The following PXDNL variants were observed in gnomAD, a reference collection of about 807,000 sequenced individuals.
PXDNL encodes peroxidasin like.
In PXDNL, 145 loss-of-function variants were observed where a neutral mutation model predicts 150.8. The observed-to-expected ratio is 0.96, with a 90% CI of 0.84 to 1.10. The LOEUF (loss-of-function observed/expected upper bound fraction) is 1.10, where lower values mean the gene tolerates loss of function less well. PXDNL is among the 50% of genes least tolerant of loss of function. The pLI is 0.00. For missense variants in PXDNL, 2,087 were observed against 1,873.9 expected, an observed-to-expected ratio of 1.11 and a Z score of -2.10; for synonymous variants, 757 against 725.7, an observed-to-expected ratio of 1.04 and a Z score of -0.69.
chr8:51,716,069 AAGTTAC>A (rs1816610773), intron 1 of PXDNL, among the ~76,000 whole-genome samples: 1 of 152,180 alleles, frequency 6.6e-6, no homozygotes, highest in South Asian at 2.1e-4. Context: ...GTATCATGAA[AAGTTAC>A]AGTCACACCC....
intron 1 of PXDNL, among the ~76,000 whole-genome samples, chr8:51,674,755 T>C (rs562084134): frequency 5.9e-5 from 9 of 152,220 alleles, no homozygotes; most frequent in African/African-American, 2.2e-4. Flanking sequence ...TGTGCAGCCT[T>C]CTTACACTTT....
chr8:51,492,808 C>T (rs926559566), intron 5 of PXDNL, among the ~76,000 whole-genome samples: 3 of 152,208 alleles, frequency 2.0e-5, no homozygotes, highest in Non-Finnish European at 4.4e-5. Context: ...GTGGAGCCCA[C>T]CGCAGCGTAA....
intron 17 of PXDNL, among the ~76,000 whole-genome samples, chr8:51,377,763 G>A (rs1309217923): frequency 6.6e-6 from 1 of 152,204 alleles, no homozygotes; most frequent in African/African-American, 2.4e-5. Context: ...GCGGGGCAGG[G>A]CTGAGGACCT....
In PXDNL at chr8:51,472,303, C is replaced by A; in HGVS notation, c.696G>T (p.Gln232His). ...ASVTVEEFNC[Q>H]SPRITFEPQD... Reference sequence around the variant, plus strand: ...GCGGCTCAAAAGTAATTCGGGGGCTCTCTGCAACAAAAGAATTATTGATGT... The same window carrying A: ...GCGGCTCAAAAGTAATTCGGGGGCTATCTGCAACAAAAGAATTATTGATGT... Residue 232 changes from glutamine to histidine, a missense_variant and splice_region_variant, in exon 8 of 23, where the codon CAG (glutamine) becomes CAT (histidine). Transcript: ENST00000356297. 6.2e-7 allele frequency: 1 copy of A among 1,607,290 alleles called. No individual in the cohort carries two copies. Among genetic ancestry groups the A allele is most frequent in the Non-Finnish European group, 8.5e-7 (1 of 1,174,976 alleles).
chr8:51,496,841 A>G (rs1188203884), intron 5 of PXDNL, among the ~76,000 whole-genome samples: 5 of 152,220 alleles, frequency 3.3e-5, no homozygotes, highest in African/African-American at 1.2e-4. Context: ...AATCAATGTC[A>G]TGAAAATGGC....
intron 5 of PXDNL, among the ~76,000 whole-genome samples, chr8:51,497,655 A>G (rs1811083682): frequency 6.6e-6 from 1 of 152,256 alleles, no homozygotes; most frequent in African/African-American, 2.4e-5. Context: ...GAAGACATTT[A>G]TGCAGCCAAC....
At chr8:51,517,430 G>T (rs1388579862) in intron 4 of PXDNL, among the ~76,000 whole-genome samples, 2 of 152,162 alleles carry the variant, frequency 1.3e-5, no homozygotes, top group African/African-American at 2.4e-5. Context: ...CAATAATAAT[G>T]GTATATATAA....
rs558871648 is a variant in PXDNL, at chr8:51,408,447, T to C, written c.3177A>G (p.Leu1059=). The change falls in exon 17 of 23, where the codon TTA becomes TTG. Residue 1059 remains leucine, a synonymous_variant. Coordinates refer to ENST00000356297, the MANE Select transcript of PXDNL (RefSeq NM_144651.5). ...TCAGTCGGTAAAGAATAGGATTGAT[T>C]AATGTGTGGCCAAATCTAAAGGCTG... ...ATAAFRFGHT[L]INPILYRLNA... is the part of the protein sequence containing the mutation. The C allele has an allele frequency of 8.6e-5, 138 of 1,614,016 alleles. No individual in the cohort carries two copies. In the South Asian group the frequency reaches 1.4e-3, roughly 16 times the overall value.
rs775938553 is a variant in PXDNL, at chr8:51,453,505, T to C, written c.1249+14A>G. 9 of 1,613,162 alleles carry C rather than the reference T, an allele frequency of 5.6e-6. No individual in the cohort carries two copies. The highest frequency in any genetic ancestry group is 6.8e-6 in the Non-Finnish European group (8 of 1,179,114). ...CAGGAGGAACATTTCAATCATGACC[T>C]TCTGCTCCCATACCTTGTACAATTA... On this transcript the variant is annotated intron_variant, in intron 10 of 22. Coordinates refer to ENST00000356297, the MANE Select transcript of PXDNL (RefSeq NM_144651.5).
intron 3 of PXDNL, among the ~76,000 whole-genome samples, chr8:51,585,595 T>A (rs924670488): frequency 6.6e-6 from 1 of 152,062 alleles, no homozygotes; most frequent in African/African-American, 2.4e-5. Flanking sequence ...AAACCTTTAG[T>A]AGAGTGGTAG....
At chr8:51,519,660 C>T (rs1386704878) in intron 4 of PXDNL, among the ~76,000 whole-genome samples, 1 of 152,102 alleles carries the variant, frequency 6.6e-6, no homozygotes, top group Non-Finnish European at 1.5e-5. Context: ...CATCTCAAGA[C>T]TGAGTTCATC....
At chr8:51,551,360 C>T (rs1321157969) in intron 4 of PXDNL, among the ~76,000 whole-genome samples, 2 of 151,624 alleles carry the variant, frequency 1.3e-5, no homozygotes, top group African/African-American at 2.4e-5. Context: ...AAAAAGAGCC[C>T]ACAAAAGCAA....
chr8:51,610,714 A>G (rs114601905), intron 2 of PXDNL, among the ~76,000 whole-genome samples: 2,201 of 152,268 alleles, frequency 0.014, 60 homozygotes, highest in African/African-American at 0.047. Flanking sequence ...CATCTAGAGT[A>G]AGGGTCCTCT....
chr8:51,733,999 A>T (rs1816986438), intron 1 of PXDNL, among the ~76,000 whole-genome samples: 1 of 151,896 alleles, frequency 6.6e-6, no homozygotes, highest in East Asian at 1.9e-4. Flanking sequence ...TAGATGTTTT[A>T]TGGTTAACTC....
intron 3 of PXDNL, among the ~76,000 whole-genome samples, chr8:51,589,293 G>A (rs7816231): frequency 0.078 from 11,824 of 152,156 alleles, 763 homozygotes; most frequent in East Asian, 0.24. Flanking sequence ...TGGATCTGTT[G>A]TTCTAACAGA....
chr8:51,534,383 G>A (rs1490661154), intron 4 of PXDNL, among the ~76,000 whole-genome samples: 8 of 141,710 alleles, frequency 5.6e-5, no homozygotes, highest in African/African-American at 1.4e-4. Flanking sequence ...CAGGCCAGCC[G>A]CCCAGTCCGG....
chr8:51,540,009 G>T (rs1266528406), intron 4 of PXDNL, among the ~76,000 whole-genome samples: 1 of 150,342 alleles, frequency 6.7e-6, no homozygotes, highest in South Asian at 2.1e-4. Flanking sequence ...CTCAACCTCC[G>T]CCTCTCAGGT....
chr8:51,608,559 C>A lies in PXDNL; in HGVS notation c.237-15861G>T, dbSNP rs186949942. ...AAGGTAAAGAGAAAGTATTGCAGGC[C>A]GGGCGCGGTGGCTCACGCCTGTAAT... On this transcript the variant is annotated intron_variant, in intron 2 of 22. Transcript: ENST00000356297. 5.7e-4 allele frequency among the ~76,000 whole-genome samples: 85 copies of A among 148,166 alleles called. 13 individuals carry two copies. Among genetic ancestry groups the A allele is most frequent in the African/African-American group, 2.2e-3 (84 of 38,760 alleles).
intron 1 of PXDNL, among the ~76,000 whole-genome samples, chr8:51,729,868 G>T (rs200839763): frequency 6.6e-6 from 1 of 152,140 alleles, no homozygotes; most frequent in African/African-American, 2.4e-5. Context: ...CTAAGTGAAA[G>T]AAGCCAATCT....
Sources: gnomAD v4.1 joint callset for allele counts (sites outside exome capture counted in the v4.1 genomes callset) on GRCh38, gnomAD v4.1.1 for gene constraint, MANE v1.5 for transcripts, NCBI Gene and HGNC (gene_info 2026-07-23, HGNC 2026-07-21) for gene names.